NAA15: variants seen among roughly 807,000 people sequenced by gnomAD.
The protein encoded by NAA15 is N-alpha-acetyltransferase 15, NatA auxiliary subunit.
Under a neutral mutation model 114.0 loss-of-function variants are expected in NAA15, and 34 were observed. That is an observed-to-expected ratio of 0.30 (90% CI 0.23 to 0.40). NAA15 has a LOEUF of 0.40. Among genes scored for constraint, NAA15 ranks in the 10% least tolerant of loss-of-function variants. NAA15 has a pLI of 1.00. For missense variants in NAA15, 658 were observed against 1,004.5 expected (o/e 0.66, Z 4.66); for synonymous variants, 340 against 338.0 (o/e 1.01, Z -0.06).
chr4:139,372,343 T>G (rs983432716), intron 15 of NAA15, among the ~76,000 whole-genome samples: 1 of 152,188 alleles, frequency 6.6e-6, no homozygotes, highest in African/African-American at 2.4e-5. Flanking sequence ...GGGTCCAGGG[T>G]GTCATAATTG....
intron 1 of NAA15, among the ~76,000 whole-genome samples, chr4:139,317,130 A>G (rs1746436486): frequency 1.3e-5 from 2 of 151,978 alleles, no homozygotes; most frequent in Middle Eastern, 3.4e-3. Context: ...TTCGGTTACC[A>G]CTAGGACTCT....
chr4:139,308,290 G>C (rs1027157826), intron 1 of NAA15, among the ~76,000 whole-genome samples: 1 of 152,018 alleles, frequency 6.6e-6, no homozygotes, highest in Non-Finnish European at 1.5e-5. Context: ...TATTTTATGT[G>C]ATTTATTTTC....
chr4:139,339,223 A>G (rs921781761), intron 3 of NAA15, among the ~76,000 whole-genome samples: 13 of 152,256 alleles, frequency 8.5e-5, no homozygotes, highest in African/African-American at 2.9e-4. Flanking sequence ...TGGGCCAGCC[A>G]CAGTGACTCA....
intron 17 of NAA15, among the ~76,000 whole-genome samples, chr4:139,380,049 AAAC>A (rs1309259398): frequency 2.6e-5 from 4 of 152,332 alleles, no homozygotes; most frequent in South Asian, 4.1e-4. Context: ...CGTCTCAAAA[AAAC>A]AACAACAACA....
intron 1 of NAA15, among the ~76,000 whole-genome samples, chr4:139,303,733 G>C (rs1745895190): frequency 6.6e-6 from 1 of 152,268 alleles, no homozygotes; most frequent in African/African-American, 2.4e-5. Flanking sequence ...GGAGGTGGAG[G>C]TTGCAGTTCC....
intron 18 of NAA15, among the ~76,000 whole-genome samples, 174 bp downstream of exon 18, chr4:139,385,152 C>T (rs1748860383): frequency 6.6e-6 from 1 of 150,954 alleles, no homozygotes; most frequent in Admixed American, 6.6e-5. Context: ...CACAGTGGCA[C>T]ATACCGGTAG....
chr4:139,376,227 G>A (rs1301237429), intron 15 of NAA15, 138 bp from the exon 16 acceptor site: 5 of 579,412 alleles, frequency 8.6e-6, no homozygotes, highest in Non-Finnish European at 9.0e-6. Context: ...TAGGTTATAG[G>A]AGGTTAAAAT....
intron 13 of NAA15, among the ~76,000 whole-genome samples, chr4:139,361,024 A>G (rs1354334242): frequency 6.6e-6 from 1 of 152,166 alleles, no homozygotes; most frequent in East Asian, 1.9e-4. Context: ...ACTTTTCACA[A>G]TATTTCTTCT....
rs1215584124 is a variant in NAA15, at chr4:139,386,127, A to C, written c.2303-6A>C. 6.5e-7 allele frequency: 1 copy of C among 1,542,436 alleles called. No homozygotes were observed. The highest frequency in any genetic ancestry group is 8.8e-7 in the Non-Finnish European group (1 of 1,132,118). ...GAAATAAATTTCCTATTTCCCTCTC[A>C]TTTAGCTGCCAAAATGGTATATTAC... On this transcript the variant is annotated splice_region_variant and splice_polypyrimidine_tract_variant and intron_variant, in intron 18 of 19. Transcript: ENST00000296543.
chr4:139,359,481 T>G (rs904573610), intron 11 of NAA15, among the ~76,000 whole-genome samples: 10 of 152,330 alleles, frequency 6.6e-5, no homozygotes, highest in Admixed American at 1.3e-4. Flanking sequence ...CCAGGCAGTT[T>G]TGGGCAATGG....
chr4:139,370,266 A>G lies in NAA15; in HGVS notation c.1809A>G (p.Gln603=), dbSNP rs1291276611. 2 of 1,583,588 alleles carry G rather than the reference A, an allele frequency of 1.3e-6. No homozygotes were observed. The highest frequency in any genetic ancestry group is 3.7e-5 in the Admixed American group (2 of 53,754). The change falls in exon 15 of 20, where the codon CAA becomes CAG. Residue 603 remains glutamine, a synonymous_variant. Transcript: ENST00000296543. ...KKLRNKQRRA[Q]KKAQIEEEKK... Reference sequence around the variant, plus strand: ...TACGTAATAAACAAAGAAGAGCTCAAAAGAAAGCCCAGATAGAAGAAGAGA... The same window carrying G: ...TACGTAATAAACAAAGAAGAGCTCAGAAGAAAGCCCAGATAGAAGAAGAGA...
At chr4:139,360,026 T>G (rs1484548558) in intron 12 of NAA15, 131 bp downstream of exon 12, 8 of 811,768 alleles carry the variant, frequency 9.9e-6, no homozygotes, top group African/African-American at 1.8e-5. Context: ...TTTAATTAAA[T>G]CACTGTATCA....
At chr4:139,354,173 C>T in intron 10 of NAA15, 75 bp downstream of exon 10, 1 of 1,235,682 alleles carries the variant, frequency 8.1e-7, no homozygotes. Flanking sequence ...ATCAGAAGGT[C>T]AGTATTATTA....
rs34106756 is a variant in NAA15 at position 139,366,019 on chromosome 4, ATTT to A, written c.1753+4095_1753+4097del. On this transcript the variant is annotated intron_variant, in intron 14 of 19. Transcript: ENST00000296543. The stretch of plus-strand genomic sequence containing the variant: ...ATGTAATTTTTTGGTCTCTATTAGA[ATTT>A]TTTTTTTTTTTTGCGTTTTGTTTTT... Among the ~76,000 whole-genome samples the A allele has an allele frequency of 5.0e-3, 726 of 146,092 alleles. 4 individuals carry two copies. Among genetic ancestry groups the A allele is most frequent in the Non-Finnish European group, 7.9e-3 (521 of 65,898 alleles).
chr4:139,306,568 C>T (rs1746024532), intron 1 of NAA15, among the ~76,000 whole-genome samples: 2 of 151,368 alleles, frequency 1.3e-5, no homozygotes, highest in Middle Eastern at 6.9e-3. Flanking sequence ...TTGTGTTTGC[C>T]AGAAGCTGGT....
At chr4:139,314,996 T>TCAGG (rs1560952688) in intron 1 of NAA15, among the ~76,000 whole-genome samples, 11 of 57,310 alleles carry the variant, frequency 1.9e-4, no homozygotes, top group Admixed American at 8.3e-4. Flanking sequence ...TTCAGTTCAG[T>TCAGG]TCAGTTTAGT....
At position 139,301,761 on chromosome 4, in the gene NAA15, C is replaced by G. The variant is rs1484361514; in HGVS notation, c.-17C>G. The stretch of plus-strand genomic sequence containing the variant: ...CCGAGCCGGGTGGTGGCGGGAGCAG[C>G]GGGAGCAGCCGGAACGATGCCGGCC... On this transcript the variant is annotated 5_prime_UTR_variant, in exon 1 of 20. Transcript: ENST00000296543. 1.9e-5 allele frequency: 30 copies of G among 1,562,608 alleles called. No homozygotes were observed. The highest frequency in any genetic ancestry group is 2.6e-5 in the Non-Finnish European group (30 of 1,152,800).
chr4:139,304,442 C>T (rs1745939270), intron 1 of NAA15, among the ~76,000 whole-genome samples: 1 of 152,244 alleles, frequency 6.6e-6, no homozygotes, highest in South Asian at 2.1e-4. Flanking sequence ...CGGGTGCAGT[C>T]ATCCCTTGGT....
intron 1 of NAA15, among the ~76,000 whole-genome samples, chr4:139,305,790 T>C (rs1448456850): frequency 1.3e-5 from 2 of 152,218 alleles, no homozygotes; most frequent in African/African-American, 4.8e-5. Flanking sequence ...CGCCTTGGCC[T>C]CCCAGAATGC....
Sources: allele counts gnomAD v4.1 joint callset (sites outside exome capture counted in the v4.1 genomes callset), GRCh38; gene constraint gnomAD v4.1.1; transcripts MANE v1.5; gene names NCBI Gene and HGNC (gene_info 2026-07-23, HGNC 2026-07-21).